GLRA2: variants seen among roughly 807,000 people sequenced by gnomAD.
GLRA2 encodes the protein glycine receptor alpha 2, also known as glycine receptor subunit alpha-2.
In GLRA2, 11 loss-of-function variants were observed where a neutral mutation model predicts 31.6. The observed-to-expected ratio is 0.35, with a 90% CI of 0.22 to 0.58. The LOEUF is 0.58. GLRA2 is among the 20% of genes least tolerant of loss of function. The pLI is 0.84. For missense variants in GLRA2, 212 were observed against 351.8 expected (o/e 0.60, Z 3.18); for synonymous variants, 132 against 134.0 (o/e 0.99, Z 0.10).
At chrX:14,611,579 C>T (rs1264374778) in intron 7 of GLRA2, among the ~76,000 whole-genome samples, 2 of 111,829 alleles carry the variant, frequency 1.8e-5, no homozygotes, top group Non-Finnish European at 1.9e-5. Context: ...TGTTTGTAGC[C>T]CACTGTGTTC....
At chrX:14,674,462 C>T (rs138760526) in intron 7 of GLRA2, among the ~76,000 whole-genome samples, 1 of 111,669 alleles carries the variant, frequency 9.0e-6, no homozygotes, top group East Asian at 2.8e-4. Flanking sequence ...GGGGCTCATC[C>T]CTTACAAGCC....
intron 7 of GLRA2, among the ~76,000 whole-genome samples, chrX:14,630,784 G>T (rs1403023899): frequency 9.6e-6 from 1 of 103,913 alleles, no homozygotes; most frequent in Admixed American, 1.1e-4. Flanking sequence ...TTTGTCGTCT[G>T]GTGAAGGTTT....
chrX:14,508,025 T>G, the GLRA2 span, among the ~76,000 whole-genome samples: 1 of 111,560 alleles, frequency 9.0e-6, no homozygotes, highest in Non-Finnish European at 1.9e-5. Context: ...CTCCTTTTTT[T>G]GCTGCTGATT....
chrX:14,674,465 T>C (rs1343836583), intron 7 of GLRA2, among the ~76,000 whole-genome samples: 1 of 111,830 alleles, frequency 8.9e-6, no homozygotes, highest in Non-Finnish European at 1.9e-5. Flanking sequence ...GCTCATCCCT[T>C]ACAAGCCAAT....
At chrX:14,463,911 G>A in the GLRA2 span, among the ~76,000 whole-genome samples, 5 of 111,597 alleles carry the variant, frequency 4.5e-5, no homozygotes, top group Non-Finnish European at 3.8e-5. Context: ...GATGAACCAC[G>A]TACCTCAGTT....
intron 7 of GLRA2, among the ~76,000 whole-genome samples, chrX:14,670,077 C>G (rs2091075341): frequency 8.9e-6 from 1 of 111,969 alleles, no homozygotes; most frequent in African/African-American, 3.3e-5. Flanking sequence ...TCATCTCTCT[C>G]AAGTTCAAAG....
At chrX:14,470,935 T>C in the GLRA2 span, among the ~76,000 whole-genome samples, 1 of 111,316 alleles carries the variant, frequency 9.0e-6, no homozygotes. Flanking sequence ...AATTCCAGTC[T>C]TCCTTTGCCA....
chrX:14,565,066 A>G (rs750532618), intron 2 of GLRA2, among the ~76,000 whole-genome samples: 2 of 111,815 alleles, frequency 1.8e-5, no homozygotes, highest in Non-Finnish European at 3.8e-5. Context: ...AATGTAGGAC[A>G]TAAAAAGCTA....
At chrX:14,484,696 A>G in the GLRA2 span, among the ~76,000 whole-genome samples, 2 of 111,760 alleles carry the variant, frequency 1.8e-5, no homozygotes, top group East Asian at 5.6e-4. Flanking sequence ...CCAAGTGCCT[A>G]ATGGCTTCGT....
chrX:14,605,972 G>C (rs182685727), intron 5 of GLRA2, among the ~76,000 whole-genome samples: 1 of 108,702 alleles, frequency 9.2e-6, no homozygotes, highest in Admixed American at 9.9e-5. Context: ...ACCAATGCTT[G>C]TATAGGGCCT....
At chrX:14,576,487 C>T (rs2089960320) in intron 3 of GLRA2, among the ~76,000 whole-genome samples, 1 of 111,592 alleles carries the variant, frequency 9.0e-6, no homozygotes, top group East Asian at 2.8e-4. Flanking sequence ...TCACTGTCAC[C>T]AGCTTTACAC....
At position 14,607,117 on chromosome X, in the gene GLRA2, T is replaced by C; in HGVS notation, c.578-14T>C. On this transcript the variant is annotated splice_polypyrimidine_tract_variant and intron_variant, in intron 5 of 8. Transcript: ENST00000218075. ...AAGCCATATTCAATTTTCACTATGA[T>C]TTCTTTACCTCAGTTGGGTACACGA... 1 of 1,157,984 alleles carries C rather than the reference T, an allele frequency of 8.6e-7. No individual in the cohort carries two copies. Among genetic ancestry groups the C allele is most frequent in the South Asian group, 1.9e-5 (1 of 53,131 alleles).
the GLRA2 span, among the ~76,000 whole-genome samples, chrX:14,457,625 G>T: frequency 8.9e-6 from 1 of 111,878 alleles, no homozygotes; most frequent in Admixed American, 9.5e-5. Flanking sequence ...TTGGTTCCAA[G>T]TATTTGCTAT....
the GLRA2 span, among the ~76,000 whole-genome samples, chrX:14,509,028 A>T: frequency 1.8e-5 from 2 of 110,914 alleles, no homozygotes; most frequent in Non-Finnish European, 3.8e-5. Flanking sequence ...CACTTCTCTC[A>T]CTCCTCTCTA....
At chrX:14,539,216 G>T (rs1320413062) in intron 2 of GLRA2, among the ~76,000 whole-genome samples, 2 of 110,754 alleles carry the variant, frequency 1.8e-5, no homozygotes, top group Non-Finnish European at 3.8e-5. Flanking sequence ...TGATGGTGTT[G>T]GATATTTTTC....
At chrX:14,667,238 A>C (rs2091046102) in intron 7 of GLRA2, among the ~76,000 whole-genome samples, 1 of 112,401 alleles carries the variant, frequency 8.9e-6, no homozygotes, top group East Asian at 2.8e-4. Flanking sequence ...ATTAGAGAAA[A>C]TTTGTTGATT....
intron 2 of GLRA2, among the ~76,000 whole-genome samples, chrX:14,534,529 T>C (rs1487698782): frequency 9.0e-6 from 1 of 111,127 alleles, no homozygotes; most frequent in Non-Finnish European, 1.9e-5. Context: ...TTTTTCTTGA[T>C]GTTCCCATGG....
At chrX:14,595,075 T>C (rs146366877) in intron 4 of GLRA2, among the ~76,000 whole-genome samples, 1 of 111,675 alleles carries the variant, frequency 9.0e-6, no homozygotes, top group African/African-American at 3.3e-5. Flanking sequence ...GATGTGTCTC[T>C]GGTGCCCAGC....
intron 1 of GLRA2, among the ~76,000 whole-genome samples, chrX:14,531,442 G>A (rs1327921052): frequency 1.8e-5 from 2 of 111,194 alleles, no homozygotes; most frequent in Admixed American, 1.9e-4. Flanking sequence ...TGTTTAATAA[G>A]CTCTTTATTA....
Sources: allele counts gnomAD v4.1 joint callset (sites outside exome capture counted in the v4.1 genomes callset), GRCh38; gene constraint gnomAD v4.1.1; transcripts MANE v1.5; gene names NCBI Gene and HGNC (gene_info 2026-07-23, HGNC 2026-07-21).